Variants in PALLD observed in about 807,000 individuals in gnomAD.
PALLD encodes the protein palladin.
PALLD carries 61 observed loss-of-function variants against 123.5 expected under a neutral mutation model. The observed-to-expected ratio is 0.49, with a 90% CI of 0.40 to 0.61. PALLD has a LOEUF of 0.61. PALLD is among the 20% of genes least tolerant of loss of function. The pLI, the probability that PALLD is intolerant of heterozygous loss-of-function variation, is 0.00. For synonymous variants in PALLD, 465 were observed against 496.4 expected, an observed-to-expected ratio of 0.94 and a Z score of 0.84; for missense variants, 1,273 against 1,377.0, an observed-to-expected ratio of 0.92 and a Z score of 1.20.
chr4:168,835,808 C>G (rs368226352), intron 10 of PALLD, among the ~76,000 whole-genome samples: 1 of 152,094 alleles, frequency 6.6e-6, no homozygotes, highest in Non-Finnish European at 1.5e-5. Context: ...AAGCGATTCT[C>G]GTGCCTCAGC....
chr4:168,711,379 C>T (rs758235957), intron 9 of PALLD, among the ~76,000 whole-genome samples: 64 of 152,164 alleles, frequency 4.2e-4, no homozygotes, highest in Admixed American at 5.9e-4. Context: ...GGAAATGAAA[C>T]GGTAGCACTC....
At chr4:168,822,960 G>A (rs1742931660) in intron 10 of PALLD, among the ~76,000 whole-genome samples, 1 of 152,114 alleles carries the variant, frequency 6.6e-6, no homozygotes, top group African/African-American at 2.4e-5. Flanking sequence ...TCAGATGAAT[G>A]TCAGATACCC....
intron 1 of PALLD, among the ~76,000 whole-genome samples, chr4:168,503,489 A>G (rs1021228927): frequency 1.6e-4 from 24 of 152,070 alleles, no homozygotes; most frequent in Non-Finnish European, 2.2e-4. Context: ...TCTACTAAAA[A>G]TACAAAAATT....
intron 10 of PALLD, chr4:168,878,486 C>A: frequency 1.0e-6 from 1 of 978,270 alleles, no homozygotes; most frequent in Non-Finnish European, 1.4e-6. Flanking sequence ...TCCCATCAGC[C>A]TGCAACCCAG....
chr4:168,901,357 G>A (rs953965360), intron 14 of PALLD, among the ~76,000 whole-genome samples: 2 of 152,180 alleles, frequency 1.3e-5, no homozygotes, highest in East Asian at 1.9e-4. Context: ...CCCTGTTCTC[G>A]TGCTTGTGCC....
intron 9 of PALLD, 117 bp downstream of exon 9, chr4:168,709,264 C>T: frequency 1.9e-6 from 2 of 1,045,494 alleles, no homozygotes; most frequent in South Asian, 2.6e-5. Context: ...AATCCCAGCA[C>T]TTTGGGAGGC....
At chr4:168,612,990 T>C (rs1051848521) in intron 2 of PALLD, among the ~76,000 whole-genome samples, 2 of 152,216 alleles carry the variant, frequency 1.3e-5, no homozygotes, top group Non-Finnish European at 2.9e-5. Flanking sequence ...CTTGCCAGCA[T>C]GGGGCTGAAG....
intron 2 of PALLD, among the ~76,000 whole-genome samples, chr4:168,549,862 T>C (rs770433951): frequency 9.2e-5 from 14 of 152,200 alleles, no homozygotes; most frequent in Non-Finnish European, 1.9e-4. Flanking sequence ...TTATTTTCTA[T>C]AGTAGCATTT....
intron 10 of PALLD, among the ~76,000 whole-genome samples, chr4:168,851,370 GT>G (rs964409221): frequency 6.6e-6 from 1 of 152,062 alleles, no homozygotes; most frequent in African/African-American, 2.4e-5. Flanking sequence ...CCTGTTTTTT[GT>G]TTTGTTTTGT....
chr4:168,580,967 C>T (rs568242268), intron 2 of PALLD, among the ~76,000 whole-genome samples: 22 of 151,046 alleles, frequency 1.5e-4, no homozygotes, highest in African/African-American at 4.4e-4. Context: ...CTGGGGCCTA[C>T]TGGAGGGAAG....
intron 8 of PALLD, 141 bp downstream of exon 8, chr4:168,691,433 C>T (rs1782620589): frequency 1.4e-6 from 1 of 695,082 alleles, no homozygotes; most frequent in Non-Finnish European, 2.5e-6. Flanking sequence ...GTGAAACCCC[C>T]TTAAAAACAA....
At chr4:168,828,610 T>C (rs1446942157) in intron 10 of PALLD, among the ~76,000 whole-genome samples, 1 of 152,274 alleles carries the variant, frequency 6.6e-6, no homozygotes, top group Non-Finnish European at 1.5e-5. Flanking sequence ...GTTTTAGTTT[T>C]TAACCACCTA....
intron 2 of PALLD, among the ~76,000 whole-genome samples, chr4:168,548,911 G>A (rs538835007): frequency 4.5e-4 from 68 of 152,162 alleles, no homozygotes; most frequent in African/African-American, 1.6e-3. Context: ...ATTTTGGGAG[G>A]CCAAGGCAGG....
intron 10 of PALLD, among the ~76,000 whole-genome samples, chr4:168,829,633 C>T (rs988613454): frequency 6.6e-6 from 1 of 152,192 alleles, no homozygotes; most frequent in Admixed American, 6.5e-5. Context: ...TGGTGGCACT[C>T]TTTAGTCAGT....
At chr4:168,803,534 A>C (rs1739670723) in intron 10 of PALLD, among the ~76,000 whole-genome samples, 1 of 152,000 alleles carries the variant, frequency 6.6e-6, no homozygotes, top group Non-Finnish European at 1.5e-5. Context: ...ATAATCAAAA[A>C]AATTAGCTGG....
At chr4:168,556,616 A>G (rs1318703588) in intron 2 of PALLD, among the ~76,000 whole-genome samples, 1 of 152,192 alleles carries the variant, frequency 6.6e-6, no homozygotes, top group Non-Finnish European at 1.5e-5. Flanking sequence ...ATCCCCACAC[A>G]AGTCTGGGAC....
rs1389041590 is a variant in PALLD, at chr4:168,928,209, T to C, written c.*2029T>C. On this transcript the variant is annotated 3_prime_UTR_variant, in exon 22 of 22. Coordinates refer to ENST00000505667, the MANE Select transcript of PALLD (RefSeq NM_001166108.2). ...ACAGTCTCTCATGGACCTATCTCTA[T>C]TGTAGAATTATGACTTATGTCTTAC... The C allele has an allele frequency of 1.1e-5, 2 of 185,898 alleles. No homozygotes were observed. Among genetic ancestry groups the C allele is most frequent in the Non-Finnish European group, 2.3e-5 (2 of 87,386 alleles). The allele number at this position is 185,898 out of a possible 1,614,324, so 11.5% of individuals were successfully genotyped here.
rs553863851 is a variant in PALLD, at chr4:168,793,763, C to T, written c.1964+81840C>T. ...TCCCTCCCACAGTCGTTATCTCCTA[C>T]CCTGTGGTTCTTTCTCTGCACTGGG... On this transcript the variant is annotated intron_variant, in intron 10 of 21. Transcript: ENST00000505667. 3.9e-5 allele frequency among the ~76,000 whole-genome samples: 6 copies of T among 152,252 alleles called. No homozygotes were observed. The East Asian group carries it at 1.2e-3, about 29-fold the overall frequency.
In PALLD at chr4:168,544,823, T is replaced by C. The variant is rs559505772; in HGVS notation, c.908+32411T>C. ...AGGGACCATTTTTACACCAGGACAA[T>C]GTTTCTCCCAGCTAACCTTGTTTCT... On this transcript the variant is annotated intron_variant, in intron 2 of 21. Coordinates refer to ENST00000505667, the MANE Select transcript of PALLD (RefSeq NM_001166108.2). Among the ~76,000 whole-genome samples, 16 of 152,274 alleles carry C rather than the reference T, an allele frequency of 1.1e-4. No homozygotes were observed. The South Asian group carries it at 2.7e-3, about 26-fold the overall frequency.
Sources: gnomAD v4.1 joint callset for allele counts (sites outside exome capture counted in the v4.1 genomes callset) on GRCh38, gnomAD v4.1.1 for gene constraint, MANE v1.5 for transcripts, NCBI Gene and HGNC (gene_info 2026-07-23, HGNC 2026-07-21) for gene names.